The following RFC3 variants were observed in gnomAD, a reference collection of about 807,000 sequenced individuals.
RFC3 encodes A1 38 kDa subunit.
In RFC3, 41 loss-of-function variants were observed where a neutral mutation model predicts 45.1. The observed-to-expected ratio is 0.91, with a 90% CI of 0.71 to 1.18. RFC3 has a LOEUF of 1.18. Ranked by LOEUF, RFC3 falls within the 50% of genes most tolerant of loss-of-function variation. RFC3 has a pLI of 0.00. For synonymous variants in RFC3, 149 were observed against 144.0 expected (o/e 1.03, Z -0.25); for missense variants, 423 against 428.1 (o/e 0.99, Z 0.10).
chr13:33,872,620 C>T lies in RFC3; in HGVS notation c.879+37403C>T, dbSNP rs561933613. On this transcript the variant is annotated intron_variant, in intron 8 of 8. Transcript: ENST00000434425. ...TGGTGGCACACGCCTGTAATACCAG[C>T]TACTCGGGAGGCTGAGGATGGAGAA... 8.5e-5 allele frequency among the ~76,000 whole-genome samples: 13 copies of T among 152,214 alleles called. No individual in the cohort carries two copies. The East Asian group carries it at 2.5e-3, about 29-fold the overall frequency.
At chr13:33,953,574 A>G (rs1249788699) in intron 8 of RFC3, among the ~76,000 whole-genome samples, 1 of 152,188 alleles carries the variant, frequency 6.6e-6, no homozygotes, top group Non-Finnish European at 1.5e-5. Context: ...TTCCTAAGGA[A>G]CAAAAATGAT....
chr13:33,883,379 C>A (rs892308908), intron 8 of RFC3, among the ~76,000 whole-genome samples: 4 of 152,154 alleles, frequency 2.6e-5, no homozygotes, highest in African/African-American at 9.7e-5. Flanking sequence ...AAATATTTCT[C>A]ACCTTTCCTT....
chr13:33,873,398 G>A (rs1055841880), intron 8 of RFC3, among the ~76,000 whole-genome samples: 17 of 152,308 alleles, frequency 1.1e-4, no homozygotes, highest in Non-Finnish European at 2.2e-4. Context: ...CTATTTCAAA[G>A]CGCCTGTTTT....
At chr13:33,936,072 G>A (rs1437449619) in intron 8 of RFC3, among the ~76,000 whole-genome samples, 5 of 152,156 alleles carry the variant, frequency 3.3e-5, no homozygotes, top group African/African-American at 9.7e-5. Context: ...ACTTGTATGG[G>A]ATGACGGGTT....
In RFC3 at chr13:33,831,311, A is replaced by G. The variant is rs146902046; in HGVS notation, c.766A>G (p.Arg256Gly). ...TGAGACAGATTGGGAGGTGTATCTG[A>G]GGGAGACTGCAAATGCTATTGTCAG... ...IPETDWEVYL[R>G]ETANAIVSQQ... Residue 256 changes from arginine (R) to glycine (G), a missense_variant, in exon 7 of 9, where the codon AGG becomes GGG. Arg to Gly is a moderately radical substitution (Grantham distance 125). Coordinates refer to ENST00000380071, the MANE Select transcript of RFC3 (RefSeq NM_002915.4). 6.2e-7 allele frequency: 1 copy of G among 1,611,240 alleles called. No homozygotes were observed. Among genetic ancestry groups the G allele is most frequent in the Non-Finnish European group, 8.5e-7 (1 of 1,177,332 alleles).
chr13:33,834,008 C>T (rs1428992560), intron 7 of RFC3, among the ~76,000 whole-genome samples: 2 of 152,082 alleles, frequency 1.3e-5, no homozygotes, highest in Non-Finnish European at 2.9e-5. Flanking sequence ...TGTGTTAAAT[C>T]ATGCTTTGCT....
At chr13:33,955,610 G>C (rs2137845190) in intron 8 of RFC3, among the ~76,000 whole-genome samples, 1 of 152,288 alleles carries the variant, frequency 6.6e-6, no homozygotes, top group East Asian at 1.9e-4. Flanking sequence ...CATAAGTGTT[G>C]TCCAGTAAGT....
In RFC3 at chr13:33,830,744, G is replaced by A. The variant is rs2082094232; in HGVS notation, c.599G>A (p.Cys200Tyr). 6.2e-7 allele frequency: 1 copy of A among 1,612,338 alleles called. No homozygotes were observed. Among genetic ancestry groups the A allele is most frequent in the Non-Finnish European group, 8.5e-7 (1 of 1,179,078 alleles). Residue 200 changes from cysteine (C) to tyrosine (Y), a missense_variant, in exon 6 of 9, where the codon TGT becomes TAT. Physicochemically the swap from Cys to Tyr is radical, Grantham distance 194. Transcript: ENST00000380071. The part of the protein sequence containing the change: ...EDICHVLSTV[C>Y]KKEGLNLPSQ... ...ATTTGCCACGTGTTATCTACTGTGTGTAAGAAGGAAGGTCTGAATCTTCCT... is the reference window on the plus strand; with the variant it reads ...ATTTGCCACGTGTTATCTACTGTGTATAAGAAGGAAGGTCTGAATCTTCCT...
chr13:33,861,977 T>A (rs2082343745), intron 8 of RFC3, among the ~76,000 whole-genome samples: 1 of 152,232 alleles, frequency 6.6e-6, no homozygotes, highest in Admixed American at 6.5e-5. Flanking sequence ...GAAAGTTGCC[T>A]GTGAAAATAT....
At chr13:33,825,754 G>A in intron 3 of RFC3, 35 bp from the exon 4 acceptor site, 4 of 1,199,856 alleles carry the variant, frequency 3.3e-6, no homozygotes, top group Admixed American at 2.3e-5. Context: ...CAATATTAAG[G>A]GCATACTATA....
At chr13:33,855,813 T>TA (rs1353400087) in intron 8 of RFC3, among the ~76,000 whole-genome samples, 1 of 152,182 alleles carries the variant, frequency 6.6e-6, no homozygotes, top group Non-Finnish European at 1.5e-5. Flanking sequence ...TGCCCATATT[T>TA]AATGAGCTTG....
At chr13:33,930,986 G>T (rs1342664680) in intron 8 of RFC3, among the ~76,000 whole-genome samples, 2 of 151,632 alleles carry the variant, frequency 1.3e-5, no homozygotes, top group African/African-American at 2.4e-5. Context: ...TTTTCTTAGA[G>T]TTTTTTTTAG....
intron 8 of RFC3, chr13:33,966,044 G>T (rs768772096): frequency 7.1e-7 from 1 of 1,406,662 alleles, no homozygotes; most frequent in Non-Finnish European, 1.0e-6. Flanking sequence ...TCATAGTAGG[G>T]TCTGTGATAA....
At chr13:33,951,540 C>CA (rs2082991483) in intron 8 of RFC3, among the ~76,000 whole-genome samples, 1 of 148,140 alleles carries the variant, frequency 6.8e-6, no homozygotes, top group Admixed American at 6.8e-5. Flanking sequence ...CTGTAAATAA[C>CA]TTTTTTTTTT....
chr13:33,858,232 A>G (rs1047281618), intron 8 of RFC3, among the ~76,000 whole-genome samples: 1 of 152,156 alleles, frequency 6.6e-6, no homozygotes, highest in African/African-American at 2.4e-5. Context: ...ATTTCTTTTT[A>G]GCTTCACAGT....
chr13:33,955,874 G>T (rs1386909493), intron 8 of RFC3, among the ~76,000 whole-genome samples: 1 of 152,148 alleles, frequency 6.6e-6, no homozygotes, highest in African/African-American at 2.4e-5. Flanking sequence ...AATGCAGCAT[G>T]TCCTAAACAA....
At chr13:33,930,450 A>C (rs2082844300) in intron 8 of RFC3, among the ~76,000 whole-genome samples, 1 of 152,126 alleles carries the variant, frequency 6.6e-6, no homozygotes, top group Non-Finnish European at 1.5e-5. Context: ...GGAGGCTGGA[A>C]GACTCAGCAA....
rs1245273867 is a variant in RFC3 at position 33,924,614 on chromosome 13, A to G, written c.880-41473A>G. ...GAAATGATTATATATATATATGTAA[A>G]TATATATACACACCATCATTTATTG... On this transcript the variant is annotated intron_variant, in intron 8 of 8. Transcript: ENST00000434425. Among the ~76,000 whole-genome samples the G allele has an allele frequency of 4.0e-5, 6 of 149,894 alleles. No individual in the cohort carries two copies. In the Admixed American group the frequency reaches 4.0e-4, roughly 10 times the overall value.
intron 8 of RFC3, among the ~76,000 whole-genome samples, chr13:33,889,319 T>C (rs989630440): frequency 1.3e-5 from 2 of 152,152 alleles, no homozygotes; most frequent in African/African-American, 4.8e-5. Flanking sequence ...TTTAGTAAGA[T>C]TTTTTAGCTC....
Sources: allele counts gnomAD v4.1 joint callset (sites outside exome capture counted in the v4.1 genomes callset), GRCh38; gene constraint gnomAD v4.1.1; transcripts MANE v1.5; gene names NCBI Gene and HGNC (gene_info 2026-07-23, HGNC 2026-07-21).